IFT74: variants seen among roughly 807,000 people sequenced by gnomAD.
IFT74 encodes the protein intraflagellar transport protein 74 homolog.
A neutral mutation model predicts 96.7 loss-of-function variants in IFT74; 92 were observed. The observed-to-expected ratio is 0.95, with a 90% CI of 0.80 to 1.13. IFT74 has a LOEUF of 1.13. Among genes scored for constraint, IFT74 ranks in the 50% most tolerant of loss-of-function variants. The pLI, the probability that IFT74 is intolerant of heterozygous loss-of-function variation, is 0.00. For missense variants in IFT74, 811 were observed against 698.2 expected (o/e 1.16, Z -1.82); for synonymous variants, 223 against 213.2 (o/e 1.05, Z -0.40).
chr9:26,959,131 C>T (rs1028901573), intron 1 of IFT74, among the ~76,000 whole-genome samples: 2 of 147,192 alleles, frequency 1.4e-5, no homozygotes, highest in Non-Finnish European at 3.0e-5. Context: ...TGTTTTGAGA[C>T]GGAGTCTCGC....
In IFT74 at chr9:27,065,464, T is replaced by TCACTGATC. The variant is rs1348465603; in HGVS notation, c.*2728_*2729insCACTGATC. On this transcript the variant is annotated 3_prime_UTR_variant, in exon 20 of 20. Transcript: ENST00000380062. ...GACTGAACAAACATGCTGAGCAGTTTTACTAGTGAAGATCAACATGGGAAA... is the reference window on the plus strand; with the variant it reads ...GACTGAACAAACATGCTGAGCAGTTTCACTGATCTACTAGTGAAGATCAACATGGGAAA... 6.6e-6 allele frequency among the ~76,000 whole-genome samples: 1 copy of TCACTGATC among 152,200 alleles called. No individual in the cohort carries two copies.
At chr9:26,948,926 G>GCC (rs1825851924) in intron 1 of IFT74, among the ~76,000 whole-genome samples, 1 of 151,868 alleles carries the variant, frequency 6.6e-6, no homozygotes, top group African/African-American at 2.4e-5. Flanking sequence ...ATGTCTCTAT[G>GCC]CTCTTTGTAC....
In IFT74 at chr9:27,008,240, C is replaced by A. The variant is rs1337857137; in HGVS notation, c.588-780C>A. On this transcript the variant is annotated intron_variant, in intron 8 of 19. Transcript: ENST00000380062. ...AAATTGCACTGCAGGCCTCTCTACT[C>A]CCTAGTTCTGTCAGAGCCACACTGG... Among the ~76,000 whole-genome samples, 4 of 152,168 alleles carry A rather than the reference C, an allele frequency of 2.6e-5. No homozygotes were observed. In the South Asian group the frequency reaches 8.3e-4, roughly 31 times the overall value.
intron 13 of IFT74, among the ~76,000 whole-genome samples, chr9:27,040,215 A>G (rs915486907): frequency 6.6e-6 from 1 of 152,186 alleles, no homozygotes; most frequent in East Asian, 1.9e-4. Flanking sequence ...CGTTCATAGC[A>G]GAGTGACCAG....
At chr9:27,027,957 T>C (rs900285950) in intron 12 of IFT74, among the ~76,000 whole-genome samples, 3 of 152,218 alleles carry the variant, frequency 2.0e-5, no homozygotes, top group African/African-American at 7.2e-5. Flanking sequence ...CATTGAGATC[T>C]TTGATCCATT....
At chr9:26,991,847 G>A (rs972294826) in intron 8 of IFT74, among the ~76,000 whole-genome samples, 2 of 151,982 alleles carry the variant, frequency 1.3e-5, no homozygotes, top group African/African-American at 4.8e-5. Flanking sequence ...TGGCCAACAC[G>A]GTAAAACCAT....
chr9:26,969,508 T>G (rs928775582), intron 2 of IFT74, among the ~76,000 whole-genome samples: 3 of 152,096 alleles, frequency 2.0e-5, no homozygotes, highest in Admixed American at 6.6e-5. Flanking sequence ...TGTTGTTGTT[T>G]TTTTAAAATC....
At chr9:27,029,406 C>A (rs1830018047) in intron 13 of IFT74, among the ~76,000 whole-genome samples, 1 of 152,030 alleles carries the variant, frequency 6.6e-6, no homozygotes, top group Admixed American at 6.6e-5. Context: ...AGTTATACTT[C>A]CTCCTAAGTT....
chr9:27,011,622 G>C (rs1829080603), intron 9 of IFT74, among the ~76,000 whole-genome samples: 1 of 149,932 alleles, frequency 6.7e-6, no homozygotes, highest in South Asian at 2.1e-4. Flanking sequence ...CTAAGGTCTA[G>C]CTACTTTTGA....
intron 13 of IFT74, chr9:27,036,300 A>G: frequency 1.7e-6 from 2 of 1,175,154 alleles, no homozygotes; most frequent in East Asian, 2.8e-5. Context: ...TCAAGGGTCA[A>G]CTGTATTTCC....
chr9:27,044,868 C>G (rs982637576), intron 14 of IFT74, 73 bp downstream of exon 14: 3 of 861,912 alleles, frequency 3.5e-6, no homozygotes, highest in Non-Finnish European at 5.4e-6. Flanking sequence ...AATCAGAGAC[C>G]TCATTTTGGG....
intron 2 of IFT74, among the ~76,000 whole-genome samples, chr9:26,973,576 G>T (rs1826970639): frequency 6.6e-6 from 1 of 152,172 alleles, no homozygotes; most frequent in South Asian, 2.1e-4. Flanking sequence ...CTTAGGGCCA[G>T]CTTGAAGGCC....
intron 12 of IFT74, among the ~76,000 whole-genome samples, chr9:27,021,727 A>G (rs544130137): frequency 2.0e-5 from 3 of 152,116 alleles, no homozygotes; most frequent in Admixed American, 1.3e-4. Flanking sequence ...GATTCTAGAT[A>G]TTAGCCCTTT....
chr9:26,978,772 T>TA (rs1213057521), intron 3 of IFT74, among the ~76,000 whole-genome samples: 3 of 152,156 alleles, frequency 2.0e-5, no homozygotes, highest in Admixed American at 2.0e-4. Flanking sequence ...TTCTGATAAT[T>TA]AGCATCTGTT....
chr9:26,948,372 TA>T (rs1300299172), intron 1 of IFT74, among the ~76,000 whole-genome samples: 1 of 150,798 alleles, frequency 6.6e-6, no homozygotes, highest in Non-Finnish European at 1.5e-5. Flanking sequence ...TCCTACACAT[TA>T]AAATATAATT....
At chr9:27,047,985 A>G (rs1819766158) in intron 15 of IFT74, among the ~76,000 whole-genome samples, 163 bp from the exon 16 acceptor site, 1 of 152,186 alleles carries the variant, frequency 6.6e-6, no homozygotes, top group Non-Finnish European at 1.5e-5. Flanking sequence ...AGAAAACCCA[A>G]TTTGGAATCT....
intron 8 of IFT74, among the ~76,000 whole-genome samples, chr9:27,003,544 A>G (rs909283713): frequency 6.6e-6 from 1 of 152,076 alleles, no homozygotes; most frequent in African/African-American, 2.4e-5. Flanking sequence ...AGAAAAACTA[A>G]TCAGAGTAGG....
chr9:27,016,804 G>T, intron 10 of IFT74, 103 bp from the exon 11 acceptor site: 1 of 745,938 alleles, frequency 1.3e-6, no homozygotes. Context: ...ATTTAAAGAT[G>T]CTAGTAGTTT....
At chr9:27,014,506 C>T (rs945626892) in intron 10 of IFT74, among the ~76,000 whole-genome samples, 3 of 152,132 alleles carry the variant, frequency 2.0e-5, no homozygotes, top group African/African-American at 7.2e-5. Flanking sequence ...GATGTCAGTA[C>T]ATTTATGCCT....
Sources: gnomAD v4.1 joint callset for allele counts (sites outside exome capture counted in the v4.1 genomes callset) on GRCh38, gnomAD v4.1.1 for gene constraint, MANE v1.5 for transcripts, NCBI Gene and HGNC (gene_info 2026-07-23, HGNC 2026-07-21) for gene names.